The following WDR62 variants were observed in gnomAD, a reference collection of about 807,000 sequenced individuals.
The protein encoded by WDR62 is WD repeat-containing protein 62.
A neutral mutation model predicts 160.6 loss-of-function variants in WDR62; 112 were observed. The ratio of observed to expected loss-of-function variants is 0.70; its 90% CI spans 0.60 to 0.82. WDR62 has a LOEUF of 0.82. WDR62 is among the 40% of genes least tolerant of loss of function. The probability of loss-of-function intolerance (pLI) is 0.00; values close to 1 mark genes in which losing one functional copy is unlikely to be tolerated. For synonymous variants in WDR62, 792 were observed against 815.1 expected, an observed-to-expected ratio of 0.97 and a Z score of 0.48; for missense variants, 1,819 against 1,983.8, an observed-to-expected ratio of 0.92 and a Z score of 1.58.
chr19:36,068,178 G>A (rs1971046898), intron 7 of WDR62, among the ~76,000 whole-genome samples, 168 bp downstream of exon 7: 1 of 152,146 alleles, frequency 6.6e-6, no homozygotes, highest in African/African-American at 2.4e-5. Context: ...GAGTACTGCT[G>A]CCCTCCCCGC....
chr19:36,070,478 T>G (rs1315225313), intron 7 of WDR62: 1 of 152,248 alleles, frequency 6.6e-6, no homozygotes, highest in Non-Finnish European at 1.5e-5. Context: ...TTGCAGAGCT[T>G]CTTTCCTTTA....
At chr19:36,069,718 C>G (rs62109752) in intron 7 of WDR62, among the ~76,000 whole-genome samples, 1 of 152,210 alleles carries the variant, frequency 6.6e-6, no homozygotes, top group Admixed American at 6.5e-5. Context: ...ACTGAGTAAA[C>G]GAGACTCCGT....
At chr19:36,058,360 C>T (rs1294431784) in intron 1 of WDR62, among the ~76,000 whole-genome samples, 1 of 151,798 alleles carries the variant, frequency 6.6e-6, no homozygotes, top group South Asian at 2.1e-4. Flanking sequence ...CAAAAACAAA[C>T]AAAAAAAAGT....
chr19:36,105,499 A>G (rs1973691397), downstream of WDR62, among the ~76,000 whole-genome samples: 1 of 151,626 alleles, frequency 6.6e-6, no homozygotes, highest in Admixed American at 6.6e-5. Context: ...GATCCCACAA[A>G]GTCCACGGTG....
chr19:36,059,417 A>G (rs1970530571), intron 2 of WDR62, among the ~76,000 whole-genome samples: 1 of 152,158 alleles, frequency 6.6e-6, no homozygotes, highest in Admixed American at 6.5e-5. Flanking sequence ...TAAAACAATT[A>G]CATCCCTCTT....
chr19:36,085,414 C>CT (rs35753706), intron 12 of WDR62, among the ~76,000 whole-genome samples: 13,062 of 69,844 alleles, frequency 0.19, 2,698 homozygotes, highest in East Asian at 0.33. Context: ...CACACCTGAC[C>CT]TTTTTTTTTT....
At chr19:36,098,563 C>CAAA (rs753131216) in intron 21 of WDR62, among the ~76,000 whole-genome samples, 69 of 98,732 alleles carry the variant, frequency 7.0e-4, no homozygotes, top group Middle Eastern at 5.2e-3. Context: ...GACTCCCTCT[C>CAAA]AAAAAAAAAA....
intron 9 of WDR62, among the ~76,000 whole-genome samples, chr19:36,076,776 G>A (rs1192564267): frequency 6.6e-6 from 1 of 152,010 alleles, no homozygotes; most frequent in African/African-American, 2.4e-5. Context: ...GTCTGAGAAT[G>A]GACAACTTTT....
Position 36,103,502 on chromosome 19 carries a change from G to C in WDR62, c.3674G>C (p.Arg1225Pro). 1 of 1,614,044 alleles carries C rather than the reference G, an allele frequency of 6.2e-7. No homozygotes were observed. The highest frequency in any genetic ancestry group is 8.5e-7 in the Non-Finnish European group (1 of 1,180,022). The change falls in exon 30 of 32, where the codon CGT becomes CCT. Residue 1225 changes from arginine to proline, a missense_variant. By Grantham distance (103) the Arg-to-Pro change is moderately radical. Transcript: ENST00000401500. ...TACATGGAGGCCACTGCCAGCTCCC[G>C]TGCCAGGATATCACGCAGCATCTCC... is the stretch of plus-strand genomic sequence containing the variant. ...CSYMEATASS[R>P]ARISRSISLG...
At chr19:36,065,720 C>T (rs1276325889) in intron 3 of WDR62, among the ~76,000 whole-genome samples, 3 of 152,216 alleles carry the variant, frequency 2.0e-5, no homozygotes, top group Non-Finnish European at 2.9e-5. Flanking sequence ...GTGTCTACTC[C>T]ATTTGGGTTT....
chr19:36,104,752 C>G lies in WDR62; in HGVS notation c.4312-16C>G. 6.2e-7 allele frequency: 1 copy of G among 1,613,812 alleles called. No homozygotes were observed. On this transcript the variant is annotated splice_polypyrimidine_tract_variant and intron_variant, in intron 31 of 31. Transcript: ENST00000401500. ...CCGGCCTTGGTGGCCCCTGACAAGG[C>G]TGGCATCCCTTGCAGTTGGTCTCCA...
At chr19:36,073,037 C>G (rs1020217759) in intron 8 of WDR62, among the ~76,000 whole-genome samples, 3 of 152,072 alleles carry the variant, frequency 2.0e-5, no homozygotes, top group African/African-American at 7.2e-5. Flanking sequence ...TGCCTATTAT[C>G]TTTCTATGCT....
intron 25 of WDR62, 64 bp downstream of exon 25, chr19:36,101,838 G>A: frequency 1.3e-6 from 2 of 1,506,218 alleles, no homozygotes; most frequent in East Asian, 2.4e-5. Flanking sequence ...CAGTCACAAT[G>A]TCTAAGCACA....
At chr19:36,074,070 G>A (rs914991338) in intron 9 of WDR62, 5 of 283,166 alleles carry the variant, frequency 1.8e-5, no homozygotes, top group Non-Finnish European at 3.5e-5. Context: ...AATCTGAGGC[G>A]GGAGGATCAC....
rs780620740 is a variant in WDR62, at chr19:36,102,833, G to A, written c.3317G>A (p.Ser1106Asn). 1 of 1,614,210 alleles carries A rather than the reference G, an allele frequency of 6.2e-7. No individual in the cohort carries two copies. The change falls in exon 27 of 32, where the codon AGC (serine) becomes AAC (asparagine). Residue 1106 changes from serine to asparagine, a missense_variant. Coordinates refer to ENST00000401500, the MANE Select transcript of WDR62 (RefSeq NM_001083961.2). The part of the protein sequence containing the change: ...RLSISTQFLS[S>N]LQKASRFTHT... ...AGTATCTCCACGCAGTTCCTCTCAA[G>A]CCTCCAGAAGGCATCCAGGTAGAAG...
rs1234648111 is a variant in WDR62 at position 36,055,086 on chromosome 19, C to A, written c.115C>A (p.Pro39Thr). The A allele has an allele frequency of 9.3e-6, 15 of 1,604,428 alleles. No homozygotes were observed. The highest frequency in any genetic ancestry group is 1.3e-5 in the Non-Finnish European group (15 of 1,176,666). ...CCAGTCCTCCCCGCCCCCCGCCCCA[C>A]CAATCTGCCTACGGCGGCGGACGCG... ...RGQSSPPPAP[P>T]ICLRRRTRLS... Residue 39 changes from proline to threonine, a missense_variant, in exon 1 of 32, where the codon CCA becomes ACA. By Grantham distance (38) the Pro-to-Thr change is conservative. Around this residue, in one of 3 missense-constraint regions of WDR62, gnomAD observed 115 missense variants for 92.4 expected, o/e 1.24. Transcript: ENST00000401500.
chr19:36,067,513 G>GT, intron 6 of WDR62, 70 bp downstream of exon 6: 1 of 1,605,856 alleles, frequency 6.2e-7, no homozygotes, highest in Non-Finnish European at 8.5e-7. Flanking sequence ...ATGGTCTCCT[G>GT]TTTCTCCCTG....
chr19:36,090,300 T>G, intron 15 of WDR62, 145 bp from the exon 16 acceptor site: 1 of 750,410 alleles, frequency 1.3e-6, no homozygotes, highest in Non-Finnish European at 2.4e-6. Context: ...CAGCTTGAGA[T>G]GGGGTTTCAG....
Position 36,078,192 on chromosome 19 carries a change from G to C in WDR62, c.1234-3241G>C, listed in dbSNP as rs373185858. 1.6e-3 allele frequency among the ~76,000 whole-genome samples: 241 copies of C among 150,382 alleles called. 9 individuals carry two copies. In the South Asian group the frequency reaches 0.048, roughly 30 times the overall value. On this transcript the variant is annotated intron_variant, in intron 9 of 31. Coordinates refer to ENST00000401500, the MANE Select transcript of WDR62 (RefSeq NM_001083961.2). The stretch of plus-strand genomic sequence containing the variant: ...AAACGGAGTCTCACTCTGTCGCCCA[G>C]GCTGGGGTGCAGTGGTATGATCTCC...
Sources: allele counts gnomAD v4.1 joint callset (sites outside exome capture counted in the v4.1 genomes callset), GRCh38; gene constraint gnomAD v4.1.1; regional missense constraint gnomAD v4.1.1; transcripts MANE v1.5; gene names NCBI Gene and HGNC (gene_info 2026-07-23, HGNC 2026-07-21).